PRR33: variants seen among roughly 807,000 people sequenced by gnomAD.
PRR33 encodes the protein proline rich 33, also known as proline-rich protein 33.
Under a neutral mutation model 0.5 loss-of-function variants are expected in PRR33, and 1 was observed. That is an observed-to-expected ratio of 2.18 (90% CI 0.77 to 10.34). The LOEUF is 10.34. Among genes scored for constraint, PRR33 ranks in the 30% most tolerant of loss-of-function variants. The pLI, the probability that PRR33 is intolerant of heterozygous loss-of-function variation, is 0.13. For missense variants in PRR33, 552 were observed against 251.8 expected (o/e 2.19, Z -8.07); for synonymous variants, 226 against 110.0 (o/e 2.06, Z -6.60).
At chr11:1,889,204 C>T in exon 1 of PRR33, 2 of 676,998 alleles carry the variant, frequency 3.0e-6, no homozygotes, top group Non-Finnish European at 5.5e-6. Context: ...GGGCTCAGCT[C>T]CAGGATGGAG....
the PRR33 span, among the ~76,000 whole-genome samples, chr11:1,914,582 CTGTGTGTG>C: frequency 9.2e-5 from 12 of 130,292 alleles, no homozygotes; most frequent in East Asian, 1.7e-3. Flanking sequence ...GGATGTTGCT[CTGTGTGTG>C]TGTGTGTGTG....
the PRR33 span, among the ~76,000 whole-genome samples, chr11:1,898,677 G>T: frequency 6.6e-6 from 1 of 152,044 alleles, no homozygotes; most frequent in Non-Finnish European, 1.5e-5. Flanking sequence ...GATGTTGTTT[G>T]TGATTGATTG....
At chr11:1,888,422 C>A (rs947626268) in exon 1 of PRR33, among the ~76,000 whole-genome samples, 3 of 152,164 alleles carry the variant, frequency 2.0e-5, no homozygotes, top group Non-Finnish European at 4.4e-5. Flanking sequence ...AGTGCTGAGA[C>A]CCTCGCTGTC....
chr11:1,889,079 C>T (rs543948191), exon 1 of PRR33: 365 of 584,400 alleles, frequency 6.2e-4, no homozygotes, highest in Non-Finnish European at 1.0e-3. Context: ...GGGCCCCCAG[C>T]TAGAGCCTCA....
At chr11:1,908,306 C>CCCCACCCCCG in the PRR33 span, among the ~76,000 whole-genome samples, 1 of 142,906 alleles carries the variant, frequency 7.0e-6, no homozygotes, top group South Asian at 2.5e-4. Flanking sequence ...CCAAGTATCT[C>CCCCACCCCCG]CCCACCCCCG....
At chr11:1,894,247 G>A (rs1204760303), upstream of PRR33, among the ~76,000 whole-genome samples, 1 of 150,728 alleles carries the variant, frequency 6.6e-6, no homozygotes, top group African/African-American at 2.4e-5. Flanking sequence ...GTGTGTGTGT[G>A]TGTGTGTCAG....
upstream of PRR33, among the ~76,000 whole-genome samples, chr11:1,894,133 T>C (rs1328368298): frequency 1.4e-5 from 2 of 144,460 alleles, no homozygotes; most frequent in East Asian, 4.2e-4. Flanking sequence ...TGTGTGTATG[T>C]GTGTGTGTGA....
chr11:1,896,311 T>C (rs775431621), upstream of PRR33, among the ~76,000 whole-genome samples: 25 of 152,246 alleles, frequency 1.6e-4, no homozygotes, highest in Admixed American at 1.1e-3. Flanking sequence ...TATTCAGGTC[T>C]TCTTCCACTT....
the PRR33 span, among the ~76,000 whole-genome samples, chr11:1,910,283 T>C: frequency 6.6e-6 from 1 of 152,166 alleles, no homozygotes. Context: ...GGAGTCTCGC[T>C]CTGTTGCCCA....
At chr11:1,896,778 C>G (rs1289367017), upstream of PRR33, among the ~76,000 whole-genome samples, 2 of 152,198 alleles carry the variant, frequency 1.3e-5, no homozygotes, top group African/African-American at 4.8e-5. Context: ...CATAGATATC[C>G]TGTATTAGGT....
the PRR33 span, among the ~76,000 whole-genome samples, chr11:1,916,487 C>T: frequency 1.8e-5 from 2 of 109,788 alleles, no homozygotes; most frequent in East Asian, 2.8e-4. Flanking sequence ...AGCTGGGGAA[C>T]CACCCAGTGA....
chr11:1,890,570 A>G lies in PRR33; in HGVS notation c.15T>C (p.Ala5=), dbSNP rs990170742. 57 of 708,914 alleles carry G rather than the reference A, an allele frequency of 8.0e-5. No individual in the cohort carries two copies. Among genetic ancestry groups the G allele is most frequent in the Non-Finnish European group, 1.2e-4 (48 of 384,890 alleles). 43.9% of individuals were successfully genotyped at this position (708,914 alleles called of 1,614,324 possible). A position where few individuals can be genotyped will look rare whatever the true frequency, so the allele number is the denominator to read the frequency against. Residue 5 remains alanine (A), a synonymous_variant, in exon 1 of 1, where the codon GCT becomes GCC. Coordinates refer to ENST00000640310, the Ensembl canonical transcript of PRR33. The stretch of plus-strand genomic sequence containing the variant: ...CGCACACCTCGGGTGCCATCGACGC[A>G]GCCGATATGAGCATGACTGTGTCCT...
rs543820693 is a variant in PRR33 at position 1,888,942 on chromosome 11, T to C, written c.*203A>G. ...GCAGCCCAGGGGCTCCAGCTCGTCC[T>C]CTCTGCCCCGTCCACCTGACCACCC... On this transcript the variant is annotated 3_prime_UTR_variant, in exon 1 of 1. Coordinates refer to ENST00000640310, the Ensembl canonical transcript of PRR33. 3.0e-4 allele frequency: 155 copies of C among 508,388 alleles called. 3 individuals carry two copies. The South Asian group carries it at 3.4e-3, about 11-fold the overall frequency. The allele number at this position is 508,388 out of a possible 1,614,324, so 31.5% of individuals were successfully genotyped here.
chr11:1,893,457 A>C (rs1036760953), upstream of PRR33, among the ~76,000 whole-genome samples: 77 of 149,980 alleles, frequency 5.1e-4, no homozygotes, highest in Non-Finnish European at 9.8e-4. Context: ...GGCTGGATGG[A>C]TGGATGGATG....
At chr11:1,898,027 T>TC in the PRR33 span, among the ~76,000 whole-genome samples, 2 of 152,164 alleles carry the variant, frequency 1.3e-5, no homozygotes, top group Non-Finnish European at 2.9e-5. Flanking sequence ...TGTTTGTTAA[T>TC]CCCCTACAAC....
At chr11:1,913,680 G>C in the PRR33 span, among the ~76,000 whole-genome samples, 1 of 152,262 alleles carries the variant, frequency 6.6e-6, no homozygotes, top group Non-Finnish European at 1.5e-5. Flanking sequence ...AGGGCAGACA[G>C]TTGGCTGGGG....
upstream of PRR33, among the ~76,000 whole-genome samples, chr11:1,895,166 CT>C (rs1490635828): frequency 2.0e-5 from 3 of 151,316 alleles, no homozygotes; most frequent in Non-Finnish European, 2.9e-5. Flanking sequence ...GAGTTTTGCT[CT>C]TGTTGCCCAG....
the PRR33 span, among the ~76,000 whole-genome samples, chr11:1,901,955 G>A: frequency 2.4e-4 from 37 of 152,262 alleles, no homozygotes; most frequent in South Asian, 3.1e-3. Flanking sequence ...AATTATGGCC[G>A]GGCGCGGTGG....
upstream of PRR33, among the ~76,000 whole-genome samples, chr11:1,893,715 AG>A (rs1271876479): frequency 6.0e-5 from 9 of 149,448 alleles, no homozygotes; most frequent in Admixed American, 6.0e-4. Context: ...TGATGAATGA[AG>A]GGATGGATGC....
Sources: gnomAD v4.1 joint callset for allele counts (sites outside exome capture counted in the v4.1 genomes callset) on GRCh38, gnomAD v4.1.1 for gene constraint, MANE v1.5 for transcripts, NCBI Gene and HGNC (gene_info 2026-07-23, HGNC 2026-07-21) for gene names.